The following UBE2D3 variants were observed in gnomAD, a reference collection of about 807,000 sequenced individuals.
UBE2D3 encodes ubiquitin-conjugating enzyme E2 D3.
Under a neutral mutation model 22.8 loss-of-function variants are expected in UBE2D3, and 2 were observed. The ratio of observed to expected loss-of-function variants is 0.09; its 90% CI spans 0.04 to 0.28. The LOEUF (loss-of-function observed/expected upper bound fraction) is 0.28, where lower values mean the gene tolerates loss of function less well. Ranked by LOEUF, UBE2D3 falls within the 10% of genes least tolerant of loss-of-function variation. The pLI, the probability that UBE2D3 is intolerant of heterozygous loss-of-function variation, is 1.00. For missense variants in UBE2D3, 27 were observed against 182.5 expected, an observed-to-expected ratio of 0.15 and a Z score of 4.91; for synonymous variants, 56 against 60.4, an observed-to-expected ratio of 0.93 and a Z score of 0.34.
chr4:102,827,827 C>T, upstream of UBE2D3: 1 of 986,392 alleles, frequency 1.0e-6, no homozygotes, highest in African/African-American at 1.7e-5. Flanking sequence ...GGCGGAAACC[C>T]TTAGGCTCAG....
intron 1 of UBE2D3, among the ~76,000 whole-genome samples, chr4:102,834,500 G>A (rs957729491): frequency 3.3e-5 from 5 of 152,096 alleles, no homozygotes; most frequent in Non-Finnish European, 7.4e-5. Flanking sequence ...TGTAATCCCA[G>A]CACTTTGGGA....
At chr4:102,841,119 C>T (rs1378824652) in intron 1 of UBE2D3, among the ~76,000 whole-genome samples, 1 of 151,844 alleles carries the variant, frequency 6.6e-6, no homozygotes, top group Non-Finnish European at 1.5e-5. Context: ...ACTTGTTTAC[C>T]AATAAATTGG....
chr4:102,839,834 C>T (rs1047840567), intron 1 of UBE2D3, among the ~76,000 whole-genome samples: 4 of 152,156 alleles, frequency 2.6e-5, no homozygotes, highest in African/African-American at 7.2e-5. Flanking sequence ...GCAAAGGAAA[C>T]AGCAGAGTGA....
intron 4 of UBE2D3, among the ~76,000 whole-genome samples, chr4:102,808,356 A>G (rs116019805): frequency 0.01 from 1,559 of 152,298 alleles, 34 homozygotes; most frequent in African/African-American, 0.035. Flanking sequence ...CAATATTGCT[A>G]CCAAATTAGA....
intron 1 of UBE2D3, chr4:102,843,814 T>A (rs1349497330): frequency 6.6e-6 from 1 of 152,164 alleles, no homozygotes; most frequent in African/African-American, 2.4e-5. Context: ...CAGTGTGATG[T>A]TCTATGGAAT....
At chr4:102,810,593 G>A (rs1270807240) in intron 2 of UBE2D3, 1 of 151,848 alleles carries the variant, frequency 6.6e-6, no homozygotes, top group South Asian at 2.1e-4. Flanking sequence ...TAACCAGGAT[G>A]GGTCTCGATC....
intron 1 of UBE2D3, among the ~76,000 whole-genome samples, chr4:102,859,245 T>C (rs951631285): frequency 3.9e-5 from 6 of 152,002 alleles, no homozygotes; most frequent in Non-Finnish European, 8.8e-5. Context: ...CATTCTCTTC[T>C]GGCTTGCAAG....
At chr4:102,802,539 G>C in intron 5 of UBE2D3, 22 bp downstream of exon 5, 1 of 1,582,448 alleles carries the variant, frequency 6.3e-7, no homozygotes, top group Non-Finnish European at 8.6e-7. Flanking sequence ...TATACTAACA[G>C]ATTTTGAGGG....
In UBE2D3 at chr4:102,809,480, G is replaced by A. The variant is rs1727608071; in HGVS notation, c.120+192C>T. 3.7e-5 allele frequency: 23 copies of A among 628,054 alleles called. No homozygotes were observed. The East Asian group carries it at 6.7e-4, about 18-fold the overall frequency. The allele number at this position is 628,054 out of a possible 1,614,324, so 38.9% of individuals were successfully genotyped here. The stretch of plus-strand genomic sequence containing the variant: ...GCTATACTCTAGAACGTGAACACAG[G>A]GATAGACACAAAGTACACGTAACAA... On this transcript the variant is annotated intron_variant, in intron 4 of 7. Transcript: ENST00000453744.
intron 5 of UBE2D3, chr4:102,801,974 T>C (rs1208041432): frequency 1.3e-5 from 2 of 157,222 alleles, no homozygotes; most frequent in African/African-American, 4.8e-5. Flanking sequence ...AACATAAACT[T>C]GAATCACAAA....
intron 1 of UBE2D3, among the ~76,000 whole-genome samples, chr4:102,836,100 A>G (rs938423497): frequency 4.0e-5 from 6 of 148,542 alleles, no homozygotes; most frequent in Non-Finnish European, 7.4e-5. Context: ...ATTTGCCACA[A>G]TTTATCCATT....
intron 4 of UBE2D3, chr4:102,809,328 G>A (rs1035344017): frequency 7.2e-6 from 2 of 275,996 alleles, no homozygotes; most frequent in Non-Finnish European, 1.5e-5. Context: ...GTAACACAAC[G>A]CATGGCATAT....
At chr4:102,852,061 C>T (rs975420062) in intron 1 of UBE2D3, among the ~76,000 whole-genome samples, 4 of 145,716 alleles carry the variant, frequency 2.7e-5, no homozygotes, top group Non-Finnish European at 6.0e-5. Context: ...AACTATTGGC[C>T]CATGGGTCGT....
intron 4 of UBE2D3, 103 bp from the exon 5 acceptor site, chr4:102,802,741 C>T: frequency 2.7e-6 from 2 of 749,570 alleles, no homozygotes; most frequent in Non-Finnish European, 4.1e-6. Flanking sequence ...CCCAAATCAC[C>T]TATTTACACT....
At chr4:102,833,900 C>T (rs1364685696) in intron 1 of UBE2D3, among the ~76,000 whole-genome samples, 2 of 152,086 alleles carry the variant, frequency 1.3e-5, no homozygotes, top group African/African-American at 2.4e-5. Context: ...ACAGGAGGAC[C>T]GACCTACCCC....
At chr4:102,802,487 T>TC in intron 5 of UBE2D3, 74 bp downstream of exon 5, 1 of 1,271,244 alleles carries the variant, frequency 7.9e-7, no homozygotes, top group African/African-American at 1.5e-5. Context: ...CAGAACCCTA[T>TC]CTTCCAAGAA....
chr4:102,799,100 TTTTTGGAA>T (rs1173447527), intron 7 of UBE2D3: 1 of 1,116,558 alleles, frequency 9.0e-7, no homozygotes, highest in Non-Finnish European at 1.3e-6. Context: ...AGTACTAACA[TTTTTGGAA>T]AAACATGCTT....
intron 1 of UBE2D3, among the ~76,000 whole-genome samples, chr4:102,855,426 A>G (rs899637045): frequency 2.0e-5 from 3 of 152,212 alleles, no homozygotes; most frequent in African/African-American, 7.2e-5. Context: ...TCAATTATTC[A>G]TTCAACACAA....
chr4:102,845,551 A>G (rs770683145), intron 1 of UBE2D3, among the ~76,000 whole-genome samples: 1 of 152,162 alleles, frequency 6.6e-6, no homozygotes, highest in African/African-American at 2.4e-5. Context: ...TCCATCAGTG[A>G]AGGAGTACCA....
Sources: gnomAD v4.1 joint callset for allele counts (sites outside exome capture counted in the v4.1 genomes callset) on GRCh38, gnomAD v4.1.1 for gene constraint, MANE v1.5 for transcripts, NCBI Gene and HGNC (gene_info 2026-07-23, HGNC 2026-07-21) for gene names.